The following EPHB1 variants were observed in gnomAD, a reference collection of about 807,000 sequenced individuals.
EPHB1 encodes the protein ephrin type-B receptor 1.
Under a neutral mutation model 94.4 loss-of-function variants are expected in EPHB1, and 30 were observed. The ratio of observed to expected loss-of-function variants is 0.32; its 90% CI spans 0.24 to 0.43. EPHB1 has a LOEUF of 0.43. Among genes scored for constraint, EPHB1 ranks in the 20% least tolerant of loss-of-function variants. EPHB1 has a pLI of 1.00. For missense variants in EPHB1, 1,055 were observed against 1,308.3 expected (o/e 0.81, Z 2.99); for synonymous variants, 522 against 489.1 (o/e 1.07, Z -0.89).
chr3:135,205,019 C>G (rs1942864671), intron 12 of EPHB1, among the ~76,000 whole-genome samples: 1 of 139,602 alleles, frequency 7.2e-6, no homozygotes, highest in South Asian at 2.5e-4. Context: ...ATTTTTAGAT[C>G]CCACAAATAA....
At chr3:134,855,939 G>A (rs957405371) in intron 1 of EPHB1, among the ~76,000 whole-genome samples, 3 of 152,202 alleles carry the variant, frequency 2.0e-5, no homozygotes, top group Non-Finnish European at 4.4e-5. Context: ...TGGAGGAAGA[G>A]AGGAGTCAGA....
At chr3:134,811,242 G>GTTTTT (rs397966930) in intron 1 of EPHB1, among the ~76,000 whole-genome samples, 3,077 of 73,242 alleles carry the variant, frequency 0.042, 434 homozygotes, top group African/African-American at 0.11. Context: ...TACTAAGAAG[G>GTTTTT]TTTTTTTTTT....
chr3:135,143,393 G>A (rs1184803037), intron 5 of EPHB1, among the ~76,000 whole-genome samples: 1 of 152,156 alleles, frequency 6.6e-6, no homozygotes, highest in Non-Finnish European at 1.5e-5. Flanking sequence ...GACTGCAGGT[G>A]CAGCTCCCCT....
rs1560243636 is a variant in EPHB1, at chr3:134,811,251, T to TG, written c.58+15562_58+15563insG. 2.1e-3 allele frequency among the ~76,000 whole-genome samples: 204 copies of TG among 97,174 alleles called. 2 individuals are homozygous for TG. Among genetic ancestry groups the TG allele is most frequent in the African/African-American group, 0.014 (190 of 13,880 alleles). 63.7% of individuals were successfully genotyped at this position (97,174 alleles called of 152,430 possible). ...TGCCCCTACTAAGAAGGTTTTTTTT[T>TG]TTTTTTTTTTTTCTGTCTTGCTCTG... On this transcript the variant is annotated intron_variant, in intron 1 of 15. Transcript: ENST00000398015.
chr3:134,819,070 C>T (rs895955130), intron 1 of EPHB1, among the ~76,000 whole-genome samples: 20 of 152,040 alleles, frequency 1.3e-4, no homozygotes, highest in African/African-American at 4.4e-4. Flanking sequence ...TGAAGGGGGC[C>T]GTTTAGGCAG....
chr3:135,084,993 A>G (rs992050682), intron 3 of EPHB1, among the ~76,000 whole-genome samples: 6 of 152,166 alleles, frequency 3.9e-5, no homozygotes, highest in South Asian at 4.1e-4. Flanking sequence ...AGAGGCTACA[A>G]CAGAACTTGC....
At chr3:135,201,932 A>G (rs1559873154) in intron 12 of EPHB1, among the ~76,000 whole-genome samples, 1 of 152,096 alleles carries the variant, frequency 6.6e-6, no homozygotes, top group African/African-American at 2.4e-5. Context: ...TTATGAAGCT[A>G]TAGTGTTCCT....
intron 3 of EPHB1, among the ~76,000 whole-genome samples, chr3:135,034,358 G>A (rs1392515370): frequency 6.6e-6 from 1 of 152,214 alleles, no homozygotes; most frequent in Non-Finnish European, 1.5e-5. Flanking sequence ...GGGAGGGCAA[G>A]GGGCAGGCAG....
intron 2 of EPHB1, among the ~76,000 whole-genome samples, chr3:134,936,679 C>G (rs190897761): frequency 6.6e-6 from 1 of 152,356 alleles, no homozygotes; most frequent in East Asian, 1.9e-4. Context: ...ACTTGTTGCT[C>G]TTTCTGGTGG....
intron 1 of EPHB1, among the ~76,000 whole-genome samples, chr3:134,818,219 A>T (rs1478967095): frequency 6.6e-6 from 1 of 152,206 alleles, no homozygotes; most frequent in African/African-American, 2.4e-5. Flanking sequence ...CCCTTCATTC[A>T]ACAAGAAGAG....
chr3:134,954,419 T>G (rs1933163027), intron 3 of EPHB1, among the ~76,000 whole-genome samples: 1 of 152,210 alleles, frequency 6.6e-6, no homozygotes. Context: ...CACGGAGTGC[T>G]GCCAGATGGA....
chr3:135,001,029 C>T (rs1935154515), intron 3 of EPHB1, among the ~76,000 whole-genome samples: 1 of 152,168 alleles, frequency 6.6e-6, no homozygotes, highest in African/African-American at 2.4e-5. Context: ...GTCTGTTCAG[C>T]TGGCTCGGAG....
At chr3:134,829,980 C>G (rs1250349731) in intron 1 of EPHB1, among the ~76,000 whole-genome samples, 1 of 152,152 alleles carries the variant, frequency 6.6e-6, no homozygotes, top group Non-Finnish European at 1.5e-5. Context: ...ACCAACCCTG[C>G]CAACACCGTG....
intron 3 of EPHB1, among the ~76,000 whole-genome samples, chr3:135,048,463 T>C (rs1196506268): frequency 6.6e-6 from 1 of 151,728 alleles, no homozygotes; most frequent in African/African-American, 2.4e-5. Flanking sequence ...AGACATGGGG[T>C]TTCAGCATAT....
intron 4 of EPHB1, among the ~76,000 whole-genome samples, chr3:135,126,682 AG>A (rs1427997958): frequency 1.3e-5 from 2 of 152,218 alleles, no homozygotes; most frequent in African/African-American, 2.4e-5. Flanking sequence ...GACAGGTACC[AG>A]AGATCATCTC....
At chr3:134,891,094 A>C (rs571540368) in intron 1 of EPHB1, among the ~76,000 whole-genome samples, 13 of 152,272 alleles carry the variant, frequency 8.5e-5, no homozygotes, top group Non-Finnish European at 1.8e-4. Flanking sequence ...AGTAAATGTG[A>C]CATTTTAATC....
intron 1 of EPHB1, among the ~76,000 whole-genome samples, chr3:134,921,624 A>G (rs896792740): frequency 2.6e-5 from 4 of 152,228 alleles, no homozygotes; most frequent in Non-Finnish European, 4.4e-5. Context: ...AGCAGATGAA[A>G]TATCATTAGA....
intron 3 of EPHB1, among the ~76,000 whole-genome samples, chr3:135,021,706 G>A (rs965661726): frequency 6.6e-6 from 1 of 152,092 alleles, no homozygotes; most frequent in African/African-American, 2.4e-5. Context: ...TAAAGCATTA[G>A]TGAAGGGGAA....
At chr3:135,162,510 G>A (rs760126476) in intron 7 of EPHB1, among the ~76,000 whole-genome samples, 8 of 152,020 alleles carry the variant, frequency 5.3e-5, no homozygotes, top group Non-Finnish European at 8.8e-5. Context: ...TCACCCTCAC[G>A]CCCACTTCAC....
Sources: allele counts gnomAD v4.1 joint callset (sites outside exome capture counted in the v4.1 genomes callset), GRCh38; gene constraint gnomAD v4.1.1; transcripts MANE v1.5; gene names NCBI Gene and HGNC (gene_info 2026-07-23, HGNC 2026-07-21).